Variants in KCNIP4 observed in about 807,000 individuals in gnomAD.
KCNIP4 encodes the protein Kv channel-interacting protein 4.
Under a neutral mutation model 34.0 loss-of-function variants are expected in KCNIP4, and 12 were observed. The observed-to-expected ratio is 0.35, with a 90% CI of 0.23 to 0.57. The LOEUF (loss-of-function observed/expected upper bound fraction) is 0.57, where lower values mean the gene tolerates loss of function less well. KCNIP4 is among the 20% of genes least tolerant of loss of function. The pLI is 0.83. For missense variants in KCNIP4, 238 were observed against 311.7 expected, an observed-to-expected ratio of 0.76 and a Z score of 1.78; for synonymous variants, 124 against 102.2, an observed-to-expected ratio of 1.21 and a Z score of -1.29.
intron 1 of KCNIP4, among the ~76,000 whole-genome samples, chr4:21,543,675 C>T (rs1446661068): frequency 6.6e-6 from 1 of 152,118 alleles, no homozygotes; most frequent in Non-Finnish European, 1.5e-5. Flanking sequence ...ATCTCATAAG[C>T]AGACAGTTGT....
At chr4:20,942,177 AAT>A in intron 1 of KCNIP4, among the ~76,000 whole-genome samples, 1 of 152,310 alleles carries the variant, frequency 6.6e-6, no homozygotes, top group South Asian at 2.1e-4. Flanking sequence ...GGGTTCCCTC[AAT>A]GCATTCCCTG....
chr4:21,404,395 G>T (rs1293996357), intron 1 of KCNIP4, among the ~76,000 whole-genome samples: 5 of 152,048 alleles, frequency 3.3e-5, no homozygotes, highest in African/African-American at 1.2e-4. Context: ...TAACTGCTTA[G>T]TAAATATCTA....
At chr4:21,835,530 G>A (rs1003105667) in intron 1 of KCNIP4, among the ~76,000 whole-genome samples, 24 of 151,500 alleles carry the variant, frequency 1.6e-4, no homozygotes, top group African/African-American at 1.5e-4. Flanking sequence ...TTAGGAGTGC[G>A]GAAAATGGTG....
chr4:21,200,988 T>A (rs1756450516), intron 1 of KCNIP4, among the ~76,000 whole-genome samples: 1 of 152,070 alleles, frequency 6.6e-6, no homozygotes, highest in Non-Finnish European at 1.5e-5. Flanking sequence ...AAAGAGTACT[T>A]AAGTGACTTG....
intron 1 of KCNIP4, among the ~76,000 whole-genome samples, chr4:21,694,064 C>T (rs544380383): frequency 5.9e-5 from 9 of 152,188 alleles, no homozygotes; most frequent in African/African-American, 2.2e-4. Context: ...AATAAGTACC[C>T]TAAAACATGA....
chr4:21,236,418 C>T (rs1041357642), intron 1 of KCNIP4, among the ~76,000 whole-genome samples: 4 of 152,112 alleles, frequency 2.6e-5, no homozygotes, highest in South Asian at 2.1e-4. Flanking sequence ...TATTTTTCCA[C>T]TAAAACATAT....
At chr4:21,183,016 C>G (rs1754956536) in intron 1 of KCNIP4, among the ~76,000 whole-genome samples, 1 of 152,096 alleles carries the variant, frequency 6.6e-6, no homozygotes, top group Non-Finnish European at 1.5e-5. Flanking sequence ...ACCACCACTC[C>G]CAGCTCCAGA....
At chr4:21,194,958 T>C (rs1755949971) in intron 1 of KCNIP4, among the ~76,000 whole-genome samples, 1 of 152,250 alleles carries the variant, frequency 6.6e-6, no homozygotes, top group Admixed American at 6.5e-5. Context: ...CAAAGGGTTT[T>C]ACTCCTACTA....
intron 3 of KCNIP4, among the ~76,000 whole-genome samples, chr4:20,811,510 TGTGTGC>T (rs35065714): frequency 0.44 from 64,366 of 145,428 alleles, 13,966 homozygotes; most frequent in Admixed American, 0.56. Context: ...TGTGTGTGTG[TGTGTGC>T]GCGCGCGCAC....
chr4:21,624,688 C>G (rs749634495), intron 1 of KCNIP4, among the ~76,000 whole-genome samples: 7 of 151,972 alleles, frequency 4.6e-5, no homozygotes, highest in Non-Finnish European at 8.8e-5. Flanking sequence ...ATAAATAGCT[C>G]TGTCAAATAA....
intron 1 of KCNIP4, among the ~76,000 whole-genome samples, chr4:20,922,547 G>GTCTGTCTATCTATCTATCTATCTATCTA (rs373186954): frequency 7.7e-6 from 1 of 129,448 alleles, no homozygotes; most frequent in Non-Finnish European, 1.7e-5. Context: ...CTGTCTGTCT[G>GTCTGTCTATCTATCTATCTATCTATCTA]TCTATCTATC....
At chr4:21,014,337 T>A (rs1739317950) in intron 1 of KCNIP4, among the ~76,000 whole-genome samples, 1 of 152,202 alleles carries the variant, frequency 6.6e-6, no homozygotes, top group Non-Finnish European at 1.5e-5. Context: ...TCAAGTCCTT[T>A]TCACATTCCC....
chr4:20,956,710 T>C (rs980336459), intron 1 of KCNIP4, among the ~76,000 whole-genome samples: 1 of 152,206 alleles, frequency 6.6e-6, no homozygotes, highest in African/African-American at 2.4e-5. Context: ...TTAATAAATA[T>C]GGTTTTTAAA....
intron 1 of KCNIP4, among the ~76,000 whole-genome samples, chr4:21,470,814 A>T (rs775875105): frequency 4.1e-4 from 47 of 115,584 alleles, no homozygotes; most frequent in Non-Finnish European, 8.3e-4. Context: ...CCAGCTGTTG[A>T]TAATTTAACA....
At chr4:21,107,547 T>A (rs2109089637) in intron 1 of KCNIP4, among the ~76,000 whole-genome samples, 1 of 149,870 alleles carries the variant, frequency 6.7e-6, no homozygotes, top group East Asian at 1.9e-4. Context: ...TCTTGACTCT[T>A]TATCCAATTT....
At chr4:20,841,444 T>C (rs1325433245) in intron 3 of KCNIP4, among the ~76,000 whole-genome samples, 1 of 152,166 alleles carries the variant, frequency 6.6e-6, no homozygotes, top group Non-Finnish European at 1.5e-5. Context: ...CCAAACCTAC[T>C]TTAGGAGATA....
At chr4:21,011,753 A>T (rs939192871) in intron 1 of KCNIP4, among the ~76,000 whole-genome samples, 1 of 152,236 alleles carries the variant, frequency 6.6e-6, no homozygotes, top group Non-Finnish European at 1.5e-5. Flanking sequence ...AAAGGACAAT[A>T]ATGAATCTCA....
At chr4:21,425,913 T>G (rs1725891617) in intron 1 of KCNIP4, among the ~76,000 whole-genome samples, 1 of 151,968 alleles carries the variant, frequency 6.6e-6, no homozygotes, top group Non-Finnish European at 1.5e-5. Context: ...AATTAGCTGT[T>G]TGTAGTGGTG....
rs192608302 is a variant in KCNIP4, at chr4:21,415,656, T to A, written c.61+532915A>T. Among the ~76,000 whole-genome samples, 10 of 151,800 alleles carry A rather than the reference T, an allele frequency of 6.6e-5. No homozygotes were observed. The East Asian group carries it at 2.0e-3, about 30-fold the overall frequency. ...GACAGAGGTTGTAGTGAGCTGAGAG[T>A]GTGCCATTGCACTCCAGCCTGGGTG... On this transcript the variant is annotated intron_variant, in intron 1 of 8. Transcript: ENST00000382152.
Sources: gnomAD v4.1 joint callset for allele counts (sites outside exome capture counted in the v4.1 genomes callset) on GRCh38, gnomAD v4.1.1 for gene constraint, MANE v1.5 for transcripts, NCBI Gene and HGNC (gene_info 2026-07-23, HGNC 2026-07-21) for gene names.